The following DNAJC5B variants were observed in gnomAD, a reference collection of about 807,000 sequenced individuals.
DNAJC5B encodes dnaJ homolog subfamily C member 5B.
DNAJC5B carries 23 observed loss-of-function variants against 24.7 expected under a neutral mutation model. That is an observed-to-expected ratio of 0.93 (90% CI 0.67 to 1.32). The LOEUF is 1.32. DNAJC5B is among the 40% of genes most tolerant of loss of function. The pLI, the probability that DNAJC5B is intolerant of heterozygous loss-of-function variation, is 0.00. For missense variants in DNAJC5B, 238 were observed against 240.8 expected, an observed-to-expected ratio of 0.99 and a Z score of 0.08; for synonymous variants, 101 against 90.1, an observed-to-expected ratio of 1.12 and a Z score of -0.68.
chr8:66,099,087 T>C (rs910501410), intron 5 of DNAJC5B, among the ~76,000 whole-genome samples: 1 of 151,468 alleles, frequency 6.6e-6, no homozygotes, highest in Admixed American at 6.6e-5. Flanking sequence ...CTACCTCTAA[T>C]AGTTTTTATT....
chr8:66,076,160 C>A (rs1347310300), intron 3 of DNAJC5B, among the ~76,000 whole-genome samples: 2 of 152,166 alleles, frequency 1.3e-5, no homozygotes, highest in African/African-American at 4.8e-5. Flanking sequence ...TTAGTTAGGA[C>A]TTGTGGAAGA....
chr8:66,068,605 G>C (rs558617974), intron 3 of DNAJC5B, among the ~76,000 whole-genome samples: 1 of 151,306 alleles, frequency 6.6e-6, no homozygotes, highest in South Asian at 2.1e-4. Flanking sequence ...AAAAAACATA[G>C]AAGATTTATT....
chr8:66,036,991 C>T (rs1271317086), intron 1 of DNAJC5B, among the ~76,000 whole-genome samples: 1 of 152,152 alleles, frequency 6.6e-6, no homozygotes, highest in East Asian at 1.9e-4. Flanking sequence ...TGTCCCAGGC[C>T]AGAGCTACCT....
intron 3 of DNAJC5B, among the ~76,000 whole-genome samples, chr8:66,058,816 GA>G (rs1347033984): frequency 1.3e-5 from 2 of 152,202 alleles, no homozygotes; most frequent in Non-Finnish European, 2.9e-5. Context: ...TGGGAAAGGT[GA>G]CAAGAGGAAG....
At chr8:66,049,015 ACACTAGTTT>A (rs1806787932) in intron 2 of DNAJC5B, among the ~76,000 whole-genome samples, 1 of 152,194 alleles carries the variant, frequency 6.6e-6, no homozygotes, top group East Asian at 1.9e-4. Flanking sequence ...CTGACCCTGA[ACACTAGTTT>A]CATTTTGGCT....
chr8:66,015,044 T>C, the DNAJC5B span, among the ~76,000 whole-genome samples: 2 of 152,282 alleles, frequency 1.3e-5, no homozygotes, highest in Admixed American at 1.3e-4. Context: ...ACGCTTGCTT[T>C]CCTGTGATTC....
intron 1 of DNAJC5B, among the ~76,000 whole-genome samples, chr8:66,034,816 G>A (rs1440959129): frequency 1.3e-5 from 2 of 152,108 alleles, no homozygotes; most frequent in Non-Finnish European, 2.9e-5. Context: ...GAAGGGCTGG[G>A]AGGAGAAGGC....
chr8:66,088,569 C>T (rs543507614), intron 5 of DNAJC5B, among the ~76,000 whole-genome samples: 1 of 152,274 alleles, frequency 6.6e-6, no homozygotes, highest in Admixed American at 6.5e-5. Context: ...AACATAAATT[C>T]CAATTTCAAA....
chr8:66,070,381 C>T (rs983649566), intron 3 of DNAJC5B, among the ~76,000 whole-genome samples: 1 of 152,094 alleles, frequency 6.6e-6, no homozygotes, highest in Non-Finnish European at 1.5e-5. Flanking sequence ...CAAAATCAAT[C>T]TGCAAAAATC....
At chr8:66,049,690 T>C (rs1806804054) in intron 2 of DNAJC5B, among the ~76,000 whole-genome samples, 2 of 152,218 alleles carry the variant, frequency 1.3e-5, no homozygotes, top group Non-Finnish European at 2.9e-5. Flanking sequence ...TTGTCGGCTG[T>C]GGGTGTTATC....
chr8:66,019,963 T>A (rs1806067541), upstream of DNAJC5B, among the ~76,000 whole-genome samples: 1 of 152,232 alleles, frequency 6.6e-6, no homozygotes, highest in African/African-American at 2.4e-5. Flanking sequence ...TCCCTAAGAT[T>A]TTATGAAGAC....
chr8:66,076,947 A>C, intron 4 of DNAJC5B, 74 bp downstream of exon 4: 17 of 1,525,408 alleles, frequency 1.1e-5, no homozygotes, highest in African/African-American at 1.4e-5. Flanking sequence ...ATTCCATCTC[A>C]AAGGAAGTCT....
chr8:66,043,990 T>G (rs1036768839), intron 2 of DNAJC5B, among the ~76,000 whole-genome samples: 29 of 151,930 alleles, frequency 1.9e-4, no homozygotes, highest in African/African-American at 6.8e-4. Flanking sequence ...CCACAGCTAA[T>G]TTTTGTACTT....
chr8:66,072,468 A>G (rs1807371825), intron 3 of DNAJC5B, among the ~76,000 whole-genome samples: 2 of 152,218 alleles, frequency 1.3e-5, no homozygotes, highest in African/African-American at 2.4e-5. Flanking sequence ...CCCTTTTCAA[A>G]CACACATGTA....
chr8:66,070,899 A>T (rs990127545), intron 3 of DNAJC5B, among the ~76,000 whole-genome samples: 1 of 152,188 alleles, frequency 6.6e-6, no homozygotes, highest in Admixed American at 6.5e-5. Context: ...ATAGCACCAC[A>T]CATCTACAAT....
intron 5 of DNAJC5B, among the ~76,000 whole-genome samples, chr8:66,094,080 T>C (rs957287586): frequency 4.6e-5 from 7 of 152,156 alleles, no homozygotes; most frequent in African/African-American, 1.4e-4. Flanking sequence ...AGCCCATTTA[T>C]CACAATCCCT....
intron 3 of DNAJC5B, among the ~76,000 whole-genome samples, chr8:66,064,834 C>T (rs780887399): frequency 6.6e-6 from 1 of 152,234 alleles, no homozygotes; most frequent in East Asian, 1.9e-4. Context: ...TGGTGTTGGA[C>T]ATGTATTTTA....
At chr8:66,040,810 T>C (rs146672403) in intron 1 of DNAJC5B, among the ~76,000 whole-genome samples, 80 of 152,366 alleles carry the variant, frequency 5.3e-4, no homozygotes, top group African/African-American at 1.2e-3. Flanking sequence ...TCTCTCTGCT[T>C]AGCCTTCGAT....
At chr8:66,079,952 C>T (rs1490035471) in intron 4 of DNAJC5B, among the ~76,000 whole-genome samples, 1 of 152,086 alleles carries the variant, frequency 6.6e-6, no homozygotes, top group Non-Finnish European at 1.5e-5. Context: ...AGGTATCGGA[C>T]AGTTCATTCT....
Sources: gnomAD v4.1 joint callset for allele counts (sites outside exome capture counted in the v4.1 genomes callset) on GRCh38, gnomAD v4.1.1 for gene constraint, MANE v1.5 for transcripts, NCBI Gene and HGNC (gene_info 2026-07-23, HGNC 2026-07-21) for gene names.